STAG2: variants seen among roughly 807,000 people sequenced by gnomAD.
STAG2 encodes the protein cohesin subunit SA-2.
STAG2 carries 14 observed loss-of-function variants against 108.1 expected under a neutral mutation model. The ratio of observed to expected loss-of-function variants is 0.13; its 90% CI spans 0.09 to 0.20. The LOEUF (loss-of-function observed/expected upper bound fraction) is 0.20. Ranked by LOEUF, STAG2 falls within the 10% of genes least tolerant of loss-of-function variation. The pLI, the probability that STAG2 is intolerant of heterozygous loss-of-function variation, is 1.00. For missense variants in STAG2, 440 were observed against 940.9 expected (o/e 0.47, Z 6.96); for synonymous variants, 307 against 302.7 (o/e 1.01, Z -0.15).
At chrX:124,061,099 A>G in intron 15 of STAG2, 125 bp from the exon 16 acceptor site, 1 of 431,821 alleles carries the variant, frequency 2.3e-6, no homozygotes, top group Non-Finnish European at 3.8e-6. Context: ...CCTTTCATCT[A>G]TTTGACGTCA....
intron 25 of STAG2, among the ~76,000 whole-genome samples, chrX:124,072,691 G>GT (rs373365744): frequency 0.016 from 1,671 of 104,242 alleles, 37 homozygotes; most frequent in African/African-American, 0.052. Flanking sequence ...TGTTGTTGTT[G>GT]TTGTTTGTTT....
intron 27 of STAG2, among the ~76,000 whole-genome samples, chrX:124,081,065 A>G (rs1015667572): frequency 2.0e-5 from 2 of 97,903 alleles, no homozygotes; most frequent in African/African-American, 7.1e-5. Flanking sequence ...ATAACAGAGC[A>G]TGGTTGCCTA....
intron 32 of STAG2, among the ~76,000 whole-genome samples, chrX:124,091,445 C>T (rs924411504): frequency 1.8e-5 from 2 of 112,330 alleles, no homozygotes; most frequent in Non-Finnish European, 3.8e-5. Flanking sequence ...GTAACTCTTA[C>T]TTAAAACCTT....
intron 1 of STAG2, among the ~76,000 whole-genome samples, chrX:124,008,972 G>A (rs759730003): frequency 9.0e-6 from 1 of 111,126 alleles, no homozygotes; most frequent in Admixed American, 9.7e-5. Flanking sequence ...ACAACAAACT[G>A]TGTCATAACA....
intron 30 of STAG2, among the ~76,000 whole-genome samples, chrX:124,087,579 C>G (rs1335943440): frequency 8.9e-6 from 1 of 111,737 alleles, no homozygotes; most frequent in African/African-American, 3.3e-5. Context: ...CAACGTGTGA[C>G]TTCTCCATGT....
chrX:124,034,618 A>G (rs1387577933), intron 5 of STAG2, among the ~76,000 whole-genome samples: 2 of 111,016 alleles, frequency 1.8e-5, no homozygotes, highest in Non-Finnish European at 1.9e-5. Flanking sequence ...GTTGTTTGCA[A>G]TAGTTTTATT....
intron 1 of STAG2, among the ~76,000 whole-genome samples, chrX:124,004,596 C>T (rs994581940): frequency 6.3e-5 from 7 of 111,633 alleles, no homozygotes; most frequent in Non-Finnish European, 1.3e-4. Context: ...TTCATCCATT[C>T]ATTCATTGAT....
intron 13 of STAG2, among the ~76,000 whole-genome samples, chrX:124,054,764 G>GT (rs1056043645): frequency 1.2e-4 from 13 of 110,712 alleles, no homozygotes; most frequent in East Asian, 8.5e-4. Flanking sequence ...TTGATTCAGT[G>GT]TTTTTTTTGT....
chrX:124,087,210 C>G (rs1358674705), intron 30 of STAG2, among the ~76,000 whole-genome samples: 2 of 111,805 alleles, frequency 1.8e-5, no homozygotes, highest in Non-Finnish European at 3.8e-5. Flanking sequence ...TATGAAGAGG[C>G]CATTAATCAT....
intron 1 of STAG2, among the ~76,000 whole-genome samples, chrX:123,986,505 G>T (rs2055195599): frequency 9.0e-6 from 1 of 111,628 alleles, no homozygotes; most frequent in South Asian, 3.7e-4. Context: ...GCTTGGGATG[G>T]TGGAAAGAAC....
At chrX:124,075,730 T>A (rs1405090295) in intron 25 of STAG2, among the ~76,000 whole-genome samples, 1 of 111,759 alleles carries the variant, frequency 8.9e-6, no homozygotes, top group Non-Finnish European at 1.9e-5. Context: ...TATTTTGCAT[T>A]ACTTGGAGGC....
intron 6 of STAG2, 48 bp from the exon 7 acceptor site, chrX:124,042,520 TA>T (rs768142839): frequency 2.8e-5 from 27 of 959,346 alleles, no homozygotes; most frequent in Non-Finnish European, 4.0e-5. Flanking sequence ...AAGTTTTCTT[TA>T]TTTTTTTATC....
intron 1 of STAG2, among the ~76,000 whole-genome samples, chrX:124,014,973 ACTTTT>A (rs753561095): frequency 1.2e-5 from 1 of 81,116 alleles, no homozygotes; most frequent in Non-Finnish European, 2.3e-5. Flanking sequence ...AGTTTGACGT[ACTTTT>A]CTTTTTTTTT....
At position 124,100,555 on chromosome X, in the gene STAG2, C is replaced by T. The variant is rs369644962; in HGVS notation, c.3784-19C>T. 370 of 1,165,587 alleles carry T rather than the reference C, an allele frequency of 3.2e-4. No homozygotes were observed. The African/African-American group carries it at 5.8e-3, about 18-fold the overall frequency. On this transcript the variant is annotated intron_variant, in intron 34 of 34. Coordinates refer to ENST00000371145, the MANE Select transcript of STAG2 (RefSeq NM_001042750.2). ...AATGACTTTTAACGAGATTTTCTCC[C>T]CTCTCTCTCTCTCATTAGGTTCTTG...
intron 6 of STAG2, 37 bp downstream of exon 6, chrX:124,037,660 A>G: frequency 1.1e-6 from 1 of 942,392 alleles, no homozygotes; most frequent in Non-Finnish European, 1.5e-6. Context: ...CAGCTCTCAA[A>G]TAGTCACTTC....
At chrX:123,994,916 C>G (rs2055656198) in intron 1 of STAG2, among the ~76,000 whole-genome samples, 1 of 112,320 alleles carries the variant, frequency 8.9e-6, no homozygotes, top group Admixed American at 9.5e-5. Context: ...TATGCTATTA[C>G]TTGCGTAAGT....
In STAG2 at chrX:124,094,255, A is replaced by G. The variant is rs2059325435; in HGVS notation, c.3705+111A>G. On this transcript the variant is annotated intron_variant, in intron 33 of 34. Coordinates refer to ENST00000371145, the MANE Select transcript of STAG2 (RefSeq NM_001042750.2). ...TACCAAGAGAAGTAAGTTTTGCAAA[A>G]ATATTAAAATAGTTGCCAGGGGTTT... 3 of 763,467 alleles carry G rather than the reference A, an allele frequency of 3.9e-6. No homozygotes were observed. In the African/African-American group the frequency reaches 6.3e-5, roughly 16 times the overall value. 62.9% of individuals were successfully genotyped at this position (763,467 alleles called of 1,213,427 possible).
chrX:124,078,873 G>A (rs1233710650), intron 27 of STAG2, among the ~76,000 whole-genome samples: 7 of 108,780 alleles, frequency 6.4e-5, no homozygotes, highest in African/African-American at 2.3e-4. Context: ...GGAGGCTGAG[G>A]CACGAGAATT....
chrX:123,972,866 CAAAAAAAAAAAAAA>C (rs747333406), intron 1 of STAG2, among the ~76,000 whole-genome samples: 14 of 21,931 alleles, frequency 6.4e-4, no homozygotes, highest in African/African-American at 2.3e-3. Context: ...ACCAAAAATA[CAAAAAAAAAAAAAA>C]AAAAAAAAAA....
Sources: allele counts gnomAD v4.1 joint callset (sites outside exome capture counted in the v4.1 genomes callset), GRCh38; gene constraint gnomAD v4.1.1; transcripts MANE v1.5; gene names NCBI Gene and HGNC (gene_info 2026-07-23, HGNC 2026-07-21).